Variants in KHDRBS2 observed in about 807,000 individuals in gnomAD.
The protein encoded by KHDRBS2 is KH RNA binding domain containing, signal transduction associated 2.
A neutral mutation model predicts 44.3 loss-of-function variants in KHDRBS2; 26 were observed. That is an observed-to-expected ratio of 0.59 (90% CI 0.43 to 0.81). The LOEUF (loss-of-function observed/expected upper bound fraction) is 0.81. KHDRBS2 is among the 40% of genes least tolerant of loss of function. KHDRBS2 has a pLI of 0.00. For missense variants in KHDRBS2, 476 were observed against 433.1 expected (o/e 1.10, Z -0.88); for synonymous variants, 194 against 151.1 (o/e 1.28, Z -2.08).
intron 2 of KHDRBS2, among the ~76,000 whole-genome samples, chr6:62,052,049 G>A (rs1789188509): frequency 2.0e-5 from 3 of 150,914 alleles, no homozygotes; most frequent in Admixed American, 6.6e-5. Flanking sequence ...AATGTAGATT[G>A]GTATACCCAG....
At chr6:62,083,859 T>C (rs1306459636) in intron 2 of KHDRBS2, among the ~76,000 whole-genome samples, 1 of 152,198 alleles carries the variant, frequency 6.6e-6, no homozygotes, top group Non-Finnish European at 1.5e-5. Context: ...ATCACCACAG[T>C]GCTTCATTAC....
Position 61,957,299 on chromosome 6 carries a change from T to G in KHDRBS2, c.483+20767A>C, listed in dbSNP as rs140261952. On this transcript the variant is annotated intron_variant, in intron 4 of 8. Transcript: ENST00000281156. ...TGAACAATATGAAATCTGGGCACCT[T>G]GATAAAAGAACAGGATAACAGCAAT... is the stretch of plus-strand genomic sequence containing the variant. 2.2e-3 allele frequency among the ~76,000 whole-genome samples: 335 copies of G among 152,244 alleles called. 4 individuals are homozygous for G. The highest frequency in any genetic ancestry group is 0.017 in the Admixed American group (255 of 15,270).
chr6:62,280,918 C>T (rs752149738), intron 1 of KHDRBS2, among the ~76,000 whole-genome samples: 3 of 152,218 alleles, frequency 2.0e-5, no homozygotes, highest in South Asian at 4.1e-4. Context: ...AAGACAATGA[C>T]GATGGCTATG....
At chr6:62,206,952 C>G (rs1828081102) in intron 1 of KHDRBS2, among the ~76,000 whole-genome samples, 1 of 152,100 alleles carries the variant, frequency 6.6e-6, no homozygotes, top group Non-Finnish European at 1.5e-5. Context: ...TCCGTATCTT[C>G]TCTCTTCAAA....
Position 62,236,671 on chromosome 6 carries a change from T to C in KHDRBS2, c.91+49187A>G, listed in dbSNP as rs56309251. ...GTCAATAATATGGGGAGGGTAATAG[T>C]ACATTTTTTCGAATGCTTATTCTAA... On this transcript the variant is annotated intron_variant, in intron 1 of 8. Transcript: ENST00000281156. Among the ~76,000 whole-genome samples, 572 of 152,146 alleles carry C rather than the reference T, an allele frequency of 3.8e-3. 2 individuals are homozygous for C. The highest frequency in any genetic ancestry group is 0.017 in the Middle Eastern group (5 of 294).
the KHDRBS2 span, among the ~76,000 whole-genome samples, chr6:61,615,223 ACTCC>A: frequency 4.1e-4 from 45 of 108,796 alleles, 1 homozygote; most frequent in Non-Finnish European, 7.5e-4. Context: ...ACAGAGCAAG[ACTCC>A]ATCTCCAAAA....
chr6:62,204,082 T>C (rs1488178201), intron 1 of KHDRBS2, among the ~76,000 whole-genome samples: 1 of 152,134 alleles, frequency 6.6e-6, no homozygotes, highest in Non-Finnish European at 1.5e-5. Context: ...CTTGAGGCCC[T>C]CACCAGAAGC....
chr6:62,220,532 T>C (rs1372464900), intron 1 of KHDRBS2, among the ~76,000 whole-genome samples: 2 of 151,788 alleles, frequency 1.3e-5, no homozygotes, highest in Non-Finnish European at 3.0e-5. Context: ...TGGCATATAA[T>C]CTTAAGAGGG....
chr6:61,579,486 C>T, the KHDRBS2 span, among the ~76,000 whole-genome samples: 5 of 152,042 alleles, frequency 3.3e-5, no homozygotes, highest in African/African-American at 9.7e-5. Flanking sequence ...TTTCCACATG[C>T]TTTAGGTTGA....
chr6:61,709,744 A>G (rs1438689749), intron 7 of KHDRBS2, among the ~76,000 whole-genome samples: 1 of 151,702 alleles, frequency 6.6e-6, no homozygotes, highest in African/African-American at 2.4e-5. Context: ...GCTCAGTGGT[A>G]CATGACGTTA....
At chr6:61,585,172 C>T in the KHDRBS2 span, among the ~76,000 whole-genome samples, 1 of 151,724 alleles carries the variant, frequency 6.6e-6, no homozygotes, top group Non-Finnish European at 1.5e-5. Flanking sequence ...TGGATTTGTG[C>T]CTAGGACCAT....
chr6:61,998,872 G>A (rs773560301), intron 3 of KHDRBS2, among the ~76,000 whole-genome samples: 1 of 151,944 alleles, frequency 6.6e-6, no homozygotes, highest in Admixed American at 6.6e-5. Context: ...GTTCATCTAA[G>A]TATAACTTTA....
intron 1 of KHDRBS2, among the ~76,000 whole-genome samples, chr6:62,197,297 G>C (rs1373782785): frequency 6.6e-6 from 1 of 152,046 alleles, no homozygotes; most frequent in Non-Finnish European, 1.5e-5. Flanking sequence ...GTTAAAACTT[G>C]CAAACCCAAT....
intron 6 of KHDRBS2, among the ~76,000 whole-genome samples, chr6:61,749,078 T>C (rs562810975): frequency 7.3e-6 from 1 of 136,990 alleles, no homozygotes; most frequent in East Asian, 2.4e-4. Flanking sequence ...AGTGGCACAA[T>C]CTCGGCTCAC....
chr6:62,136,313 T>C (rs1811513387), intron 2 of KHDRBS2, among the ~76,000 whole-genome samples: 1 of 152,176 alleles, frequency 6.6e-6, no homozygotes, highest in East Asian at 1.9e-4. Context: ...GTTCTAATGA[T>C]AACACTTTAC....
chr6:62,285,260 G>A (rs1842322585), intron 1 of KHDRBS2, among the ~76,000 whole-genome samples: 1 of 152,092 alleles, frequency 6.6e-6, no homozygotes, highest in African/African-American at 2.4e-5. Context: ...AGTGTTCCCA[G>A]GGACCAATAT....
chr6:61,650,090 T>A, the KHDRBS2 span, among the ~76,000 whole-genome samples: 2 of 152,156 alleles, frequency 1.3e-5, no homozygotes, highest in Non-Finnish European at 2.9e-5. Flanking sequence ...TAGCAGGGCC[T>A]CTGCACTGCT....
At chr6:61,837,222 C>T (rs1261739759) in intron 6 of KHDRBS2, among the ~76,000 whole-genome samples, 1 of 151,948 alleles carries the variant, frequency 6.6e-6, no homozygotes, top group East Asian at 1.9e-4. Flanking sequence ...TAAGACAAAG[C>T]ATTACTATTT....
At chr6:61,954,837 T>TATACACATGC in intron 4 of KHDRBS2, among the ~76,000 whole-genome samples, 1 of 62,920 alleles carries the variant, frequency 1.6e-5, no homozygotes, top group Non-Finnish European at 3.0e-5. Flanking sequence ...CATGCATATG[T>TATACACATGC]ATGTATACAT....
Sources: allele counts gnomAD v4.1 joint callset (sites outside exome capture counted in the v4.1 genomes callset), GRCh38; gene constraint gnomAD v4.1.1; transcripts MANE v1.5; gene names NCBI Gene and HGNC (gene_info 2026-07-23, HGNC 2026-07-21).